HBP1: variants seen among roughly 807,000 people sequenced by gnomAD.
HBP1 encodes HMG box-containing protein 1.
Under a neutral mutation model 62.6 loss-of-function variants are expected in HBP1, and 20 were observed. The observed-to-expected ratio is 0.32, with a 90% confidence interval of 0.22 to 0.46. The LOEUF (loss-of-function observed/expected upper bound fraction) is 0.46, where lower values mean the gene tolerates loss of function less well. HBP1 is among the 20% of genes least tolerant of loss of function. The probability of loss-of-function intolerance (pLI) is 1.00; values close to 1 mark genes in which losing one functional copy is unlikely to be tolerated. For missense variants in HBP1, 480 were observed against 611.8 expected (o/e 0.78, Z 2.27); for synonymous variants, 232 against 206.2 (o/e 1.12, Z -1.07).
chr7:107,172,179 T>C (rs1489411972), intron 1 of HBP1, among the ~76,000 whole-genome samples: 1 of 152,136 alleles, frequency 6.6e-6, no homozygotes, highest in Non-Finnish European at 1.5e-5. Flanking sequence ...TTAAAAGTTA[T>C]TGATCATAGC....
intron 1 of HBP1, among the ~76,000 whole-genome samples, chr7:107,175,072 T>C (rs915538709): frequency 3.3e-5 from 5 of 151,818 alleles, no homozygotes; most frequent in Admixed American, 6.6e-5. Flanking sequence ...GAGTGCTCTC[T>C]TTAAAAAAAA....
chr7:107,180,277 T>A (rs1278626713), intron 2 of HBP1, among the ~76,000 whole-genome samples: 2 of 152,234 alleles, frequency 1.3e-5, no homozygotes, highest in Admixed American at 1.3e-4. Context: ...ATTTACAGAT[T>A]GTTAAATTAA....
In HBP1 at chr7:107,169,111, G is replaced by A. The variant is rs1487807815; in HGVS notation, c.-90G>A. 1.9e-5 allele frequency: 24 copies of A among 1,275,302 alleles called. No individual in the cohort carries two copies. The highest frequency in any genetic ancestry group is 2.3e-4 in the Middle Eastern group (1 of 4,434). 79.0% of individuals were successfully genotyped at this position (1,275,302 alleles called of 1,614,324 possible). On this transcript the variant is annotated 5_prime_UTR_variant, in exon 1 of 11. Transcript: ENST00000222574. ...GGGGGAGGCCGACGTCGGTCGGAGA[G>A]GGGGTACGAGAGCTGCTGGTGGTGT... is the stretch of plus-strand genomic sequence containing the variant.
At chr7:107,169,654 TGA>T in intron 1 of HBP1, 1 of 757,710 alleles carries the variant, frequency 1.3e-6, no homozygotes, top group Non-Finnish European at 1.6e-6. Flanking sequence ...CCTTCTGGAC[TGA>T]GGGGGATTCT....
chr7:107,170,522 C>T (rs1796502867), intron 1 of HBP1, among the ~76,000 whole-genome samples: 1 of 151,746 alleles, frequency 6.6e-6, no homozygotes, highest in Non-Finnish European at 1.5e-5. Flanking sequence ...GCAAGGTAGA[C>T]AGTAGTTGAC....
chr7:107,190,370 TTTCCC>T, intron 8 of HBP1, 53 bp downstream of exon 8: 1 of 1,271,490 alleles, frequency 7.9e-7, no homozygotes, highest in Non-Finnish European at 1.1e-6. Context: ...TTGCCCTTCA[TTTCCC>T]TAATGATGGT....
chr7:107,187,357 A>G (rs1443829433), intron 6 of HBP1, among the ~76,000 whole-genome samples: 2 of 152,204 alleles, frequency 1.3e-5, no homozygotes, highest in East Asian at 3.8e-4. Flanking sequence ...TTGAAAGCCA[A>G]TTATATTAAG....
chr7:107,173,017 T>A (rs1484255513), intron 1 of HBP1, among the ~76,000 whole-genome samples: 3 of 152,218 alleles, frequency 2.0e-5, no homozygotes, highest in African/African-American at 7.2e-5. Context: ...TTGTTGTTGT[T>A]TTGTCTTTTC....
intron 7 of HBP1, chr7:107,189,799 T>C (rs892862124): frequency 8.7e-6 from 2 of 230,676 alleles, no homozygotes; most frequent in African/African-American, 4.6e-5. Flanking sequence ...CAGAGCCTTA[T>C]TACAGTAACA....
intron 3 of HBP1, among the ~76,000 whole-genome samples, chr7:107,185,352 GA>G (rs1055240459): frequency 4.6e-5 from 7 of 152,192 alleles, no homozygotes; most frequent in Admixed American, 1.3e-4. Flanking sequence ...TCTGCCCAGT[GA>G]TATGTGGTTG....
intron 7 of HBP1, 175 bp from the exon 8 acceptor site, chr7:107,189,998 C>A: frequency 2.1e-6 from 1 of 481,862 alleles, no homozygotes; most frequent in South Asian, 4.3e-5. Flanking sequence ...TTTTACATTG[C>A]TGAAAGGAAA....
At chr7:107,195,338 A>G (rs1463215500) in intron 8 of HBP1, among the ~76,000 whole-genome samples, 1 of 152,192 alleles carries the variant, frequency 6.6e-6, no homozygotes, top group African/African-American at 2.4e-5. Flanking sequence ...TCCTTTAGCC[A>G]CATTTAACAG....
chr7:107,201,319 A>AAATTT, intron 10 of HBP1, 95 bp from the exon 11 acceptor site: 1 of 711,100 alleles, frequency 1.4e-6, no homozygotes, highest in Non-Finnish European at 2.4e-6. Context: ...TTCTAATAGT[A>AAATTT]AATTTATAAA....
chr7:107,184,431 G>C (rs1797253168), intron 3 of HBP1, among the ~76,000 whole-genome samples: 1 of 152,244 alleles, frequency 6.6e-6, no homozygotes, highest in African/African-American at 2.4e-5. Flanking sequence ...AAATGTTAAT[G>C]AGGATAAGGT....
At position 107,200,298 on chromosome 7, in the gene HBP1, T is replaced by C; in HGVS notation, c.1524T>C (p.Asn508=). Residue 508 remains asparagine (N), a synonymous_variant, in exon 10 of 11, where the codon AAT becomes AAC. Coordinates refer to ENST00000222574, the MANE Select transcript of HBP1 (RefSeq NM_012257.4). ...ACTGTTGGAAGAGGAAAAGAACCAA[T>C]TCAGTATGTTTCAATAAATAGTGTT... ...NPDCWKRKRT[N]SGSQQH is the part of the protein sequence containing the mutation. 2.5e-6 allele frequency: 4 copies of C among 1,610,114 alleles called. No homozygotes were observed. Among genetic ancestry groups the C allele is most frequent in the Non-Finnish European group, 3.4e-6 (4 of 1,178,076 alleles).
At chr7:107,185,429 A>T (rs1797305847) in intron 3 of HBP1, among the ~76,000 whole-genome samples, 1 of 152,228 alleles carries the variant, frequency 6.6e-6, no homozygotes, top group Admixed American at 6.5e-5. Context: ...AGACTTACTG[A>T]GTACATCAAA....
At chr7:107,184,674 C>T (rs1438008985) in intron 3 of HBP1, among the ~76,000 whole-genome samples, 2 of 152,210 alleles carry the variant, frequency 1.3e-5, no homozygotes, top group South Asian at 2.1e-4. Flanking sequence ...CCATGCCTGG[C>T]TGGTTTTTTG....
At chr7:107,171,061 A>G (rs867378383) in intron 1 of HBP1, among the ~76,000 whole-genome samples, 1 of 65,000 alleles carries the variant, frequency 1.5e-5, no homozygotes, top group Non-Finnish European at 2.5e-5. Context: ...ATATATATAT[A>G]TATATATATA....
intron 8 of HBP1, among the ~76,000 whole-genome samples, chr7:107,193,555 C>G (rs956626005): frequency 6.6e-6 from 1 of 152,188 alleles, no homozygotes; most frequent in Non-Finnish European, 1.5e-5. Flanking sequence ...GATAAGTAAA[C>G]TGAGGCTACA....
Sources: gnomAD v4.1 joint callset for allele counts (sites outside exome capture counted in the v4.1 genomes callset) on GRCh38, gnomAD v4.1.1 for gene constraint, MANE v1.5 for transcripts, NCBI Gene and HGNC (gene_info 2026-07-23, HGNC 2026-07-21) for gene names.